ANO2: variants seen among roughly 807,000 people sequenced by gnomAD.
The protein encoded by ANO2 is anoctamin 2.
ANO2 carries 101 observed loss-of-function variants against 124.2 expected under a neutral mutation model. That is an observed-to-expected ratio of 0.81 (90% confidence interval 0.69 to 0.96). The LOEUF is 0.96. Among genes scored for constraint, ANO2 ranks in the 40% least tolerant of loss-of-function variants. The probability of loss-of-function intolerance (pLI) is 0.00; values close to 1 mark genes in which losing one functional copy is unlikely to be tolerated. For synonymous variants in ANO2, 486 were observed against 482.5 expected (o/e 1.01, Z -0.09); for missense variants, 1,293 against 1,274.5 (o/e 1.01, Z -0.22).
intron 13 of ANO2, among the ~76,000 whole-genome samples, chr12:5,736,818 G>A (rs1007015929): frequency 3.3e-5 from 5 of 152,058 alleles, no homozygotes; most frequent in South Asian, 2.1e-4. Flanking sequence ...TTGTTGCCTC[G>A]CTTTCCCAGG....
chr12:5,661,869 G>A (rs1947461455), intron 14 of ANO2, among the ~76,000 whole-genome samples: 1 of 152,164 alleles, frequency 6.6e-6, no homozygotes, highest in African/African-American at 2.4e-5. Flanking sequence ...GTATTCCTGT[G>A]GCTTGTTCCT....
chr12:5,784,300 T>C (rs1428356963), intron 10 of ANO2, among the ~76,000 whole-genome samples: 1 of 152,238 alleles, frequency 6.6e-6, no homozygotes, highest in Non-Finnish European at 1.5e-5. Context: ...AGAGCCACTC[T>C]ACATATTGTG....
chr12:5,826,350 A>G (rs1953952739), intron 7 of ANO2, among the ~76,000 whole-genome samples: 1 of 151,672 alleles, frequency 6.6e-6, no homozygotes, highest in Non-Finnish European at 1.5e-5. Flanking sequence ...GGACTGAAAG[A>G]TGCAAACTAT....
intron 3 of ANO2, among the ~76,000 whole-genome samples, chr12:5,879,870 A>C (rs2137294675): frequency 6.6e-6 from 1 of 152,244 alleles, no homozygotes; most frequent in Admixed American, 6.5e-5. Context: ...GGTGCTTAGA[A>C]GCCATTGAAA....
chr12:5,716,860 A>G (rs1950043246), intron 14 of ANO2, among the ~76,000 whole-genome samples: 1 of 152,188 alleles, frequency 6.6e-6, no homozygotes, highest in South Asian at 2.1e-4. Context: ...AAGCTTATGT[A>G]AAATATCTCC....
At position 5,769,317 on chromosome 12, in the gene ANO2, G is replaced by GAACCAGGACTGGCAGA. The variant is rs1471628872; in HGVS notation, c.1056-18348_1056-18347insTCTGCCAGTCCTGGTT. Among the ~76,000 whole-genome samples, 1 of 152,068 alleles carries GAACCAGGACTGGCAGA rather than the reference G, an allele frequency of 6.6e-6. No homozygotes were observed. The highest frequency in any genetic ancestry group is 1.5e-5 in the Non-Finnish European group (1 of 68,028). On this transcript the variant is annotated intron_variant, in intron 10 of 24. Coordinates refer to ENST00000682330, the MANE Select transcript of ANO2 (RefSeq NM_001364791.2). The surrounding 1 kb of genome is among the most constrained non-coding windows in gnomAD (Gnocchi z 4.0). ...GAACCAGGACTGGCTGGCCTGGCGT[G>GAACCAGGACTGGCAGA]GCCTGTCACTGGCTCTGCAAGCAGC...
chr12:5,714,780 G>A (rs1949954997), intron 14 of ANO2, among the ~76,000 whole-genome samples: 4 of 152,120 alleles, frequency 2.6e-5, no homozygotes, highest in South Asian at 2.1e-4. Context: ...CACAACGTGC[G>A]ATAGTTAAGA....
At chr12:5,776,403 A>T (rs575806158) in intron 10 of ANO2, among the ~76,000 whole-genome samples, 2 of 152,330 alleles carry the variant, frequency 1.3e-5, no homozygotes, top group South Asian at 4.1e-4. Context: ...GGCTTCATTG[A>T]AAGTACCTCA....
intron 16 of ANO2, among the ~76,000 whole-genome samples, chr12:5,622,238 A>G (rs1945152167): frequency 6.6e-6 from 1 of 152,114 alleles, no homozygotes; most frequent in Non-Finnish European, 1.5e-5. Context: ...ATTCCCTCCA[A>G]GTTCCCTGCA....
intron 7 of ANO2, among the ~76,000 whole-genome samples, chr12:5,808,373 G>T (rs1005779422): frequency 7.2e-5 from 11 of 152,112 alleles, no homozygotes; most frequent in Non-Finnish European, 8.8e-5. Context: ...TTCATTCTTG[G>T]TTTTTTTCAG....
chr12:5,603,959 A>AAG (rs1419292464), intron 19 of ANO2, among the ~76,000 whole-genome samples: 2 of 150,748 alleles, frequency 1.3e-5, no homozygotes, highest in African/African-American at 2.4e-5. Flanking sequence ...AAAAAAAAAA[A>AAG]AAAAAAGAAA....
intron 24 of ANO2, 138 bp from the exon 25 acceptor site, chr12:5,563,706 T>C (rs1477025596): frequency 1.7e-6 from 2 of 1,152,664 alleles, no homozygotes; most frequent in Admixed American, 2.1e-5. Flanking sequence ...TGAGCATAAC[T>C]CTACCTTGGT....
intron 14 of ANO2, among the ~76,000 whole-genome samples, chr12:5,704,659 G>T (rs540378203): frequency 6.6e-6 from 1 of 151,984 alleles, no homozygotes; most frequent in East Asian, 1.9e-4. Flanking sequence ...AGTCCCCACC[G>T]TGAGCTTCTT....
intron 14 of ANO2, among the ~76,000 whole-genome samples, chr12:5,652,452 A>G (rs1469504734): frequency 6.6e-6 from 1 of 152,146 alleles, no homozygotes; most frequent in African/African-American, 2.4e-5. Context: ...AAAATCTAAT[A>G]TTACTTAAAT....
intron 1 of ANO2, among the ~76,000 whole-genome samples, chr12:5,934,007 G>A (rs1311292900): frequency 6.6e-6 from 1 of 152,218 alleles, no homozygotes; most frequent in African/African-American, 2.4e-5. Flanking sequence ...ATCCTTTCTT[G>A]TGAGTGAATT....
At chr12:5,827,696 G>A (rs758200295) in intron 7 of ANO2, 73 bp downstream of exon 7, 3 of 1,502,494 alleles carry the variant, frequency 2.0e-6, no homozygotes, top group Admixed American at 3.8e-5. Flanking sequence ...CCGACCAAGG[G>A]AGCTGTTGAA....
chr12:5,684,858 G>A (rs1948641117), intron 14 of ANO2, among the ~76,000 whole-genome samples: 1 of 152,188 alleles, frequency 6.6e-6, no homozygotes, highest in Non-Finnish European at 1.5e-5. Context: ...CAGCACAGGT[G>A]CTGGAGTCAG....
At chr12:5,631,652 G>A (rs147799054) in intron 16 of ANO2, among the ~76,000 whole-genome samples, 140 of 152,292 alleles carry the variant, frequency 9.2e-4, no homozygotes, top group African/African-American at 3.2e-3. Flanking sequence ...ACTGACAGCC[G>A]AGAGGCCAGA....
intron 14 of ANO2, among the ~76,000 whole-genome samples, chr12:5,700,943 T>C (rs1949376922): frequency 6.6e-6 from 1 of 152,176 alleles, no homozygotes. Flanking sequence ...TTTTCTTCCC[T>C]ATATAATCTC....
Sources: allele counts gnomAD v4.1 joint callset (sites outside exome capture counted in the v4.1 genomes callset), GRCh38; gene constraint gnomAD v4.1.1; non-coding constraint Gnocchi (gnomAD v3.1); transcripts MANE v1.5; gene names NCBI Gene and HGNC (gene_info 2026-07-23, HGNC 2026-07-21).